Variants in RANBP2 observed in about 807,000 individuals in gnomAD.
RANBP2 encodes RAN binding protein 2.
A neutral mutation model predicts 303.6 loss-of-function variants in RANBP2; 57 were observed. The observed-to-expected ratio is 0.19, with a 90% confidence interval of 0.15 to 0.23. The LOEUF (loss-of-function observed/expected upper bound fraction) is 0.23. Among genes scored for constraint, RANBP2 ranks in the 10% least tolerant of loss-of-function variants. RANBP2 has a pLI of 1.00. For missense variants in RANBP2, 3,138 were observed against 3,780.8 expected (o/e 0.83, Z 4.46); for synonymous variants, 1,167 against 1,301.5 (o/e 0.90, Z 2.23).
At chr2:109,466,072 C>CTTTTTTTTTTTTTTTTTTTT in the RANBP2 span, among the ~76,000 whole-genome samples, 3 of 82,334 alleles carry the variant, frequency 3.6e-5, no homozygotes, top group Non-Finnish European at 6.7e-5. Context: ...ACCTGTACAT[C>CTTTTTTTTTTTTTTTTTTTT]TTTTTTTTTT....
At chr2:109,397,218 C>T in the RANBP2 span, among the ~76,000 whole-genome samples, 1 of 152,186 alleles carries the variant, frequency 6.6e-6, no homozygotes, top group Non-Finnish European at 1.5e-5. Context: ...TCAGAGACAG[C>T]TCCCGCTTCC....
chr2:109,704,663 A>T, the RANBP2 span, among the ~76,000 whole-genome samples: 3 of 152,108 alleles, frequency 2.0e-5, no homozygotes, highest in Non-Finnish European at 4.4e-5. Context: ...CAGCCTGACT[A>T]ACGTGGCGAA....
At chr2:108,826,937 A>T in the RANBP2 span, among the ~76,000 whole-genome samples, 7 of 152,142 alleles carry the variant, frequency 4.6e-5, no homozygotes, top group African/African-American at 1.7e-4. Flanking sequence ...TCTCGTTTTC[A>T]GGGTATAAGT....
intron 1 of RANBP2, 149 bp downstream of exon 1, chr2:108,719,827 C>G: frequency 6.9e-7 from 1 of 1,441,336 alleles, no homozygotes; most frequent in Admixed American, 2.9e-5. Context: ...GGCGGCGTGG[C>G]GCTTGCAAGC....
At chr2:109,103,102 G>T in the RANBP2 span, among the ~76,000 whole-genome samples, 1 of 152,196 alleles carries the variant, frequency 6.6e-6, no homozygotes, top group Non-Finnish European at 1.5e-5. Flanking sequence ...TTAAGCAAGT[G>T]GCTCAGCTGT....
At chr2:109,462,233 A>G in the RANBP2 span, among the ~76,000 whole-genome samples, 345 of 150,460 alleles carry the variant, frequency 2.3e-3, 2 homozygotes, top group African/African-American at 8.3e-3. Flanking sequence ...CCTGCAAACT[A>G]TTTTGTGACA....
At chr2:109,114,379 G>A in the RANBP2 span, among the ~76,000 whole-genome samples, 3 of 152,308 alleles carry the variant, frequency 2.0e-5, no homozygotes, top group East Asian at 1.9e-4. Context: ...ATGTGTTGAG[G>A]AATTTACCCA....
chr2:109,493,297 TG>T, the RANBP2 span, among the ~76,000 whole-genome samples: 1 of 120,940 alleles, frequency 8.3e-6, no homozygotes, highest in Admixed American at 8.7e-5. Flanking sequence ...ACACACACCA[TG>T]CACACCATGC....
the RANBP2 span, among the ~76,000 whole-genome samples, chr2:109,009,473 C>T: frequency 6.6e-6 from 1 of 152,082 alleles, no homozygotes; most frequent in Middle Eastern, 3.2e-3. Flanking sequence ...AGTTCATCAT[C>T]TTACCACCCA....
At chr2:109,397,342 C>G in the RANBP2 span, among the ~76,000 whole-genome samples, 5 of 152,156 alleles carry the variant, frequency 3.3e-5, no homozygotes, top group Non-Finnish European at 7.4e-5. Flanking sequence ...TGGAAACTCA[C>G]AGGCATTTAC....
intron 25 of RANBP2, among the ~76,000 whole-genome samples, chr2:108,779,823 G>A (rs956818346): frequency 5.3e-5 from 8 of 152,170 alleles, no homozygotes; most frequent in Non-Finnish European, 1.0e-4. Flanking sequence ...GGCAGTTGAA[G>A]TCAGTGAGAT....
chr2:109,614,379 C>A, the RANBP2 span: 1 of 887,070 alleles, frequency 1.1e-6, no homozygotes, highest in Non-Finnish European at 1.5e-6. Context: ...CGTAGGCTGG[C>A]AGCCCGCTGA....
the RANBP2 span, among the ~76,000 whole-genome samples, chr2:109,369,054 C>T: frequency 2.6e-5 from 4 of 152,098 alleles, no homozygotes; most frequent in African/African-American, 9.7e-5. Context: ...GAAAAGCCCT[C>T]CCACACTTGG....
chr2:109,075,050 GA>G, the RANBP2 span, among the ~76,000 whole-genome samples: 9 of 106,352 alleles, frequency 8.5e-5, 1 homozygote, highest in Non-Finnish European at 7.3e-5. Context: ...AAAAAAAAAA[GA>G]AGAAGAAGAA....
chr2:109,385,374 A>G, the RANBP2 span, among the ~76,000 whole-genome samples: 1 of 152,220 alleles, frequency 6.6e-6, no homozygotes, highest in African/African-American at 2.4e-5. Context: ...GTCACCTCCC[A>G]TGTCACTCTG....
chr2:109,391,588 A>C, the RANBP2 span, among the ~76,000 whole-genome samples: 1 of 152,206 alleles, frequency 6.6e-6, no homozygotes, highest in African/African-American at 2.4e-5. Context: ...GTGTGTGGCC[A>C]CGGCTTGTGG....
the RANBP2 span, among the ~76,000 whole-genome samples, chr2:109,619,179 A>T: frequency 6.6e-6 from 1 of 152,240 alleles, no homozygotes; most frequent in South Asian, 2.1e-4. Flanking sequence ...AGGGTCACAC[A>T]GTAAAAAGCT....
the RANBP2 span, among the ~76,000 whole-genome samples, chr2:109,027,375 T>C: frequency 6.6e-6 from 1 of 152,060 alleles, no homozygotes; most frequent in East Asian, 1.9e-4. Context: ...GACATCTTGT[T>C]CCTTTGTGGA....
the RANBP2 span, among the ~76,000 whole-genome samples, chr2:108,793,767 T>G: frequency 6.6e-6 from 1 of 151,916 alleles, no homozygotes; most frequent in African/African-American, 2.4e-5. Context: ...CGGCTAATTT[T>G]TTTTTTTTGT....
Sources: gnomAD v4.1 joint callset for allele counts (sites outside exome capture counted in the v4.1 genomes callset) on GRCh38, gnomAD v4.1.1 for gene constraint, MANE v1.5 for transcripts, NCBI Gene and HGNC (gene_info 2026-07-23, HGNC 2026-07-21) for gene names.